RIMS1: variants seen among roughly 807,000 people sequenced by gnomAD.
RIMS1 encodes the protein regulating synaptic membrane exocytosis protein 1.
In RIMS1, 83 loss-of-function variants were observed where a neutral mutation model predicts 214.1. That is an observed-to-expected ratio of 0.39 (90% confidence interval 0.32 to 0.47). The LOEUF (loss-of-function observed/expected upper bound fraction) is 0.47. RIMS1 is among the 20% of genes least tolerant of loss of function. RIMS1 has a pLI of 0.99. For synonymous variants in RIMS1, 793 were observed against 786.8 expected, an observed-to-expected ratio of 1.01 and a Z score of -0.13; for missense variants, 2,050 against 2,161.8, an observed-to-expected ratio of 0.95 and a Z score of 1.03.
chr6:72,137,855 C>T (rs1056856622), intron 4 of RIMS1, among the ~76,000 whole-genome samples: 2 of 151,512 alleles, frequency 1.3e-5, no homozygotes, highest in Non-Finnish European at 2.9e-5. Context: ...TCCTGCCTCA[C>T]CCTCCCGAGT....
chr6:72,400,484 C>G lies in RIMS1; in HGVS notation c.4861-12C>G, dbSNP rs1402163637. Reference sequence around the variant, plus strand: ...GAAGTCCAGGTAATGTTGCATTTCTCTATCTCTGCAGGTGATTGTCTGGGG... The same window carrying G: ...GAAGTCCAGGTAATGTTGCATTTCTGTATCTCTGCAGGTGATTGTCTGGGG... On this transcript the variant is annotated splice_polypyrimidine_tract_variant and intron_variant, in intron 33 of 33. Transcript: ENST00000521978. 1 of 1,609,630 alleles carries G rather than the reference C, an allele frequency of 6.2e-7. No homozygotes were observed. Among genetic ancestry groups the G allele is most frequent in the East Asian group, 2.2e-5 (1 of 44,852 alleles).
intron 6 of RIMS1, among the ~76,000 whole-genome samples, chr6:72,225,705 A>G (rs1373299666): frequency 6.6e-6 from 1 of 152,172 alleles, no homozygotes; most frequent in Non-Finnish European, 1.5e-5. Context: ...TCCCACGTGA[A>G]TGGAATACTC....
At chr6:72,208,109 G>T (rs73532480) in intron 6 of RIMS1, among the ~76,000 whole-genome samples, 6,428 of 152,208 alleles carry the variant, frequency 0.042, 476 homozygotes, top group African/African-American at 0.15. Flanking sequence ...CACTCAGAGT[G>T]CTTTCTCCGT....
At chr6:71,985,857 A>G (rs1198623307) in intron 2 of RIMS1, among the ~76,000 whole-genome samples, 1 of 152,206 alleles carries the variant, frequency 6.6e-6, no homozygotes, top group Admixed American at 6.5e-5. Context: ...ACACACCAGT[A>G]AACTTCTTTT....
chr6:72,036,857 G>A (rs1819761511), intron 2 of RIMS1, among the ~76,000 whole-genome samples: 2 of 152,114 alleles, frequency 1.3e-5, no homozygotes, highest in Non-Finnish European at 2.9e-5. Flanking sequence ...ATGAAAGGGG[G>A]CAACATGGGA....
rs538880234 is a variant in RIMS1 at position 72,014,447 on chromosome 6, C to CT, written c.245+45390dup. Reference sequence around the variant, plus strand: ...ATGGAGCATATATAAATATTTCATTCTTTTTTATTGCTGGATAATATTCCA... The same window carrying CT: ...ATGGAGCATATATAAATATTTCATTCTTTTTTTATTGCTGGATAATATTCCA... On this transcript the variant is annotated intron_variant, in intron 2 of 33. Transcript: ENST00000521978. Among the ~76,000 whole-genome samples the CT allele has an allele frequency of 8.3e-4, 126 of 152,296 alleles. 2 individuals carry two copies. The South Asian group carries it at 0.025, about 31-fold the overall frequency.
At chr6:72,193,265 G>T (rs562782009) in intron 6 of RIMS1, among the ~76,000 whole-genome samples, 9 of 152,164 alleles carry the variant, frequency 5.9e-5, no homozygotes, top group African/African-American at 1.7e-4. Context: ...GTTACCATTT[G>T]GGTTGTACAC....
At chr6:71,928,899 A>G (rs918064773) in intron 1 of RIMS1, among the ~76,000 whole-genome samples, 2 of 152,182 alleles carry the variant, frequency 1.3e-5, no homozygotes, top group Non-Finnish European at 2.9e-5. Context: ...GGAAAAATAG[A>G]GAGGAAGCAA....
At chr6:72,219,202 G>A (rs898216042) in intron 6 of RIMS1, among the ~76,000 whole-genome samples, 3 of 152,124 alleles carry the variant, frequency 2.0e-5, no homozygotes, top group East Asian at 3.8e-4. Flanking sequence ...TTGGGAAGAA[G>A]CATGTCAATT....
At chr6:71,938,332 C>T (rs569819799) in intron 1 of RIMS1, among the ~76,000 whole-genome samples, 5 of 152,100 alleles carry the variant, frequency 3.3e-5, no homozygotes, top group Non-Finnish European at 5.9e-5. Context: ...TAAACATTGC[C>T]CTTGTGGGGA....
At chr6:71,927,354 G>C (rs1046706156) in intron 1 of RIMS1, among the ~76,000 whole-genome samples, 2 of 152,064 alleles carry the variant, frequency 1.3e-5, no homozygotes, top group Non-Finnish European at 2.9e-5. Context: ...GCAATGGTTT[G>C]TAAAATTATT....
At chr6:72,263,220 A>T in intron 19 of RIMS1, 1 of 985,212 alleles carries the variant, frequency 1.0e-6, no homozygotes. Flanking sequence ...GTTCTAAAGA[A>T]ATCTGTATGT....
chr6:72,250,579 C>A, intron 13 of RIMS1, 119 bp downstream of exon 13: 2 of 677,838 alleles, frequency 3.0e-6, no homozygotes, highest in African/African-American at 1.9e-5. Flanking sequence ...GATAAAAGTA[C>A]ATTATCTCTG....
intron 24 of RIMS1, among the ~76,000 whole-genome samples, chr6:72,287,203 G>A (rs1236430184): frequency 6.6e-6 from 1 of 152,112 alleles, no homozygotes; most frequent in African/African-American, 2.4e-5. Flanking sequence ...GCTTACATAT[G>A]CATTTTATGG....
At chr6:71,931,372 G>C (rs2150905257) in intron 1 of RIMS1, among the ~76,000 whole-genome samples, 1 of 152,088 alleles carries the variant, frequency 6.6e-6, no homozygotes, top group Middle Eastern at 3.4e-3. Flanking sequence ...ACCATGTATA[G>C]AGGAATTTAA....
At chr6:72,279,663 G>A (rs2089003446) in intron 23 of RIMS1, among the ~76,000 whole-genome samples, 1 of 152,076 alleles carries the variant, frequency 6.6e-6, no homozygotes, top group East Asian at 1.9e-4. Flanking sequence ...GTTCACTCGT[G>A]CCCAGGGATC....
intron 1 of RIMS1, among the ~76,000 whole-genome samples, chr6:71,889,682 A>C (rs888190497): frequency 2.0e-5 from 3 of 152,210 alleles, no homozygotes; most frequent in Non-Finnish European, 4.4e-5. Context: ...TATGTCTTAA[A>C]AACTGGGGAT....
In RIMS1 at chr6:72,292,053, G is replaced by A. The variant is rs753948585; in HGVS notation, c.3850+7G>A. On this transcript the variant is annotated splice_region_variant and intron_variant, in intron 26 of 33. Transcript: ENST00000521978. ...AGCGGCAGTATAGAACAAGGTATCC[G>A]ATAAAGAGAGATCATTGTCCAAAAA... 101 of 1,526,946 alleles carry A rather than the reference G, an allele frequency of 6.6e-5. No homozygotes were observed. The highest frequency in any genetic ancestry group is 3.3e-4 in the South Asian group (27 of 82,594). 94.6% of individuals were successfully genotyped at this position (1,526,946 alleles called of 1,614,324 possible).
intron 4 of RIMS1, among the ~76,000 whole-genome samples, chr6:72,172,866 C>T (rs998162258): frequency 6.6e-6 from 1 of 152,158 alleles, no homozygotes; most frequent in Admixed American, 6.5e-5. Flanking sequence ...CCAGAATCCT[C>T]ATTCTAGAGT....
Sources: gnomAD v4.1 joint callset for allele counts (sites outside exome capture counted in the v4.1 genomes callset) on GRCh38, gnomAD v4.1.1 for gene constraint, MANE v1.5 for transcripts, NCBI Gene and HGNC (gene_info 2026-07-23, HGNC 2026-07-21) for gene names.